The following LAMA2 variants were observed in gnomAD, a reference collection of about 807,000 sequenced individuals.
LAMA2 encodes laminin subunit alpha 2.
LAMA2 carries 269 observed loss-of-function variants against 364.8 expected under a neutral mutation model. The observed-to-expected ratio is 0.74, with a 90% CI of 0.67 to 0.82. The LOEUF (loss-of-function observed/expected upper bound fraction) is 0.82, where lower values mean the gene tolerates loss of function less well. LAMA2 is among the 40% of genes least tolerant of loss of function. The pLI is 0.00. For synonymous variants in LAMA2, 1,379 were observed against 1,370.6 expected (o/e 1.01, Z -0.14); for missense variants, 3,807 against 3,873.2 (o/e 0.98, Z 0.45).
intron 51 of LAMA2, among the ~76,000 whole-genome samples, chr6:129,467,357 G>T (rs143094094): frequency 3.3e-5 from 5 of 151,756 alleles, no homozygotes; most frequent in African/African-American, 9.7e-5. Context: ...GACTCCAAAA[G>T]GGGGGAGGGA....
chr6:129,137,911 G>A (rs553277731), intron 4 of LAMA2, among the ~76,000 whole-genome samples: 1 of 152,108 alleles, frequency 6.6e-6, no homozygotes, highest in East Asian at 1.9e-4. Flanking sequence ...AATAAAAATA[G>A]GGGGAGTCAA....
At chr6:129,044,474 T>G (rs1368750067) in intron 1 of LAMA2, among the ~76,000 whole-genome samples, 1 of 151,906 alleles carries the variant, frequency 6.6e-6, no homozygotes, top group Non-Finnish European at 1.5e-5. Flanking sequence ...TTTTTTCAAA[T>G]GTTTGCCATA....
chr6:129,160,423 A>G (rs1196385367), intron 8 of LAMA2, among the ~76,000 whole-genome samples: 1 of 152,112 alleles, frequency 6.6e-6, no homozygotes, highest in East Asian at 1.9e-4. Context: ...AGTCTATAGC[A>G]TCTATATAGA....
intron 15 of LAMA2, among the ~76,000 whole-genome samples, chr6:129,261,460 T>C (rs1043706460): frequency 4.6e-5 from 7 of 152,164 alleles, no homozygotes; most frequent in Admixed American, 4.6e-4. Flanking sequence ...AAGGTAACAA[T>C]TTTTATTTGC....
intron 62 of LAMA2, among the ~76,000 whole-genome samples, chr6:129,508,834 G>A (rs1051034118): frequency 1.3e-5 from 2 of 152,142 alleles, no homozygotes; most frequent in African/African-American, 4.8e-5. Flanking sequence ...TGGGAGTGCA[G>A]ATATCTCTTC....
At chr6:128,917,947 A>G (rs1778451274) in intron 1 of LAMA2, among the ~76,000 whole-genome samples, 1 of 151,312 alleles carries the variant, frequency 6.6e-6, no homozygotes, top group Non-Finnish European at 1.5e-5. Flanking sequence ...TGTTGCTCAG[A>G]CTGAACTCCT....
chr6:129,158,695 T>A, intron 8 of LAMA2: 1 of 1,614,054 alleles, frequency 6.2e-7, no homozygotes, highest in Non-Finnish European at 8.5e-7. Context: ...AACGGACCTA[T>A]GACAACAGGG....
At chr6:128,908,748 T>C (rs1446878659) in intron 1 of LAMA2, among the ~76,000 whole-genome samples, 1 of 147,834 alleles carries the variant, frequency 6.8e-6, no homozygotes, top group Non-Finnish European at 1.5e-5. Flanking sequence ...TTTTGGATCT[T>C]TCCTGCTGTC....
intron 12 of LAMA2, among the ~76,000 whole-genome samples, chr6:129,212,627 G>A (rs971652938): frequency 6.6e-6 from 1 of 152,076 alleles, no homozygotes; most frequent in African/African-American, 2.4e-5. Flanking sequence ...CATAAAAAAA[G>A]AATCAGCTAT....
At position 128,909,221 on chromosome 6, in the gene LAMA2, G is replaced by A. The variant is rs1224188849; in HGVS notation, c.112+25864G>A. ...ACTTTCTGTCTCGTTGATCTGTCTA[G>A]TGTTGACAGTGGGGTATTAAAGTCT... On this transcript the variant is annotated intron_variant, in intron 1 of 64. Coordinates refer to ENST00000421865, the MANE Select transcript of LAMA2 (RefSeq NM_000426.4). Among the ~76,000 whole-genome samples the A allele has an allele frequency of 2.6e-4, 40 of 152,170 alleles. No individual in the cohort carries two copies. In the South Asian group the frequency reaches 7.5e-3, roughly 28 times the overall value.
At chr6:129,277,986 G>T (rs1451452404) in intron 17 of LAMA2, among the ~76,000 whole-genome samples, 1 of 152,104 alleles carries the variant, frequency 6.6e-6, no homozygotes, top group Non-Finnish European at 1.5e-5. Flanking sequence ...TGGATCACTT[G>T]AGGTCAGGAG....
At chr6:129,377,481 G>A (rs1778437740) in intron 34 of LAMA2, among the ~76,000 whole-genome samples, 1 of 152,058 alleles carries the variant, frequency 6.6e-6, no homozygotes, top group African/African-American at 2.4e-5. Flanking sequence ...ATTCCACATG[G>A]AACTGGCTCA....
intron 62 of LAMA2, among the ~76,000 whole-genome samples, chr6:129,508,958 C>T (rs988659886): frequency 4.6e-5 from 7 of 152,160 alleles, no homozygotes; most frequent in Non-Finnish European, 8.8e-5. Flanking sequence ...CACTAGTTTA[C>T]GTTCCCACCA....
chr6:129,454,672 T>G (rs9388707), intron 47 of LAMA2, among the ~76,000 whole-genome samples: 21,854 of 152,206 alleles, frequency 0.14, 1,670 homozygotes, highest in East Asian at 0.21. Context: ...TCCTTTAGTC[T>G]ACATAGCCAC....
rs888696670 is a variant in LAMA2 at position 129,349,312 on chromosome 6, G to A, written c.4451G>A (p.Cys1484Tyr). ...ISSSNNFSPS[C>Y]VAEGLDDYRC... ...TTCTGATTCAGTTTCAGCCCCTCTT[G>A]TGTCGCAGAAGGACTTGACGACTAC... The change falls in exon 31 of 65, where the codon TGT becomes TAT. Residue 1484 changes from cysteine to tyrosine, a missense_variant. By Grantham distance (194) the Cys-to-Tyr change is radical. Coordinates refer to ENST00000421865, the MANE Select transcript of LAMA2 (RefSeq NM_000426.4). 1 of 1,613,234 alleles carries A rather than the reference G, an allele frequency of 6.2e-7. No individual in the cohort carries two copies. The highest frequency in any genetic ancestry group is 8.5e-7 in the Non-Finnish European group (1 of 1,179,516).
At chr6:129,200,124 G>A (rs376914088) in intron 12 of LAMA2, among the ~76,000 whole-genome samples, 3 of 105,992 alleles carry the variant, frequency 2.8e-5, no homozygotes, top group East Asian at 2.4e-4. Flanking sequence ...ATATATATGT[G>A]TATATATATA....
intron 12 of LAMA2, among the ~76,000 whole-genome samples, chr6:129,211,239 T>A (rs934706309): frequency 2.0e-5 from 3 of 152,178 alleles, no homozygotes; most frequent in African/African-American, 7.2e-5. Flanking sequence ...CATATCTAGA[T>A]GCACTGATGA....
chr6:128,907,775 CATAG>C (rs1424687962), intron 1 of LAMA2, among the ~76,000 whole-genome samples: 1 of 152,156 alleles, frequency 6.6e-6, no homozygotes, highest in African/African-American at 2.4e-5. Context: ...GTGGGTTTGT[CATAG>C]ATAGCTCTTA....
At chr6:129,374,497 T>C (rs1297655349) in intron 34 of LAMA2, among the ~76,000 whole-genome samples, 2 of 152,134 alleles carry the variant, frequency 1.3e-5, no homozygotes, top group African/African-American at 2.4e-5. Flanking sequence ...ATTATACTGA[T>C]AAAGAATTAC....
Sources: gnomAD v4.1 joint callset for allele counts (sites outside exome capture counted in the v4.1 genomes callset) on GRCh38, gnomAD v4.1.1 for gene constraint, MANE v1.5 for transcripts, NCBI Gene and HGNC (gene_info 2026-07-23, HGNC 2026-07-21) for gene names.